Variants in WDR76 observed in about 807,000 individuals in gnomAD.
The protein encoded by WDR76 is WD repeat domain 76.
In WDR76, 52 loss-of-function variants were observed where a neutral mutation model predicts 70.2. The observed-to-expected ratio is 0.74, with a 90% confidence interval of 0.59 to 0.93. The LOEUF is 0.93. WDR76 is among the 40% of genes least tolerant of loss of function. The pLI is 0.00. For synonymous variants in WDR76, 292 were observed against 271.1 expected, an observed-to-expected ratio of 1.08 and a Z score of -0.76; for missense variants, 756 against 760.2, an observed-to-expected ratio of 0.99 and a Z score of 0.07.
At chr15:43,844,996 C>G (rs959457917) in intron 8 of WDR76, among the ~76,000 whole-genome samples, 1 of 127,182 alleles carries the variant, frequency 7.9e-6, no homozygotes, top group Non-Finnish European at 1.7e-5. Context: ...GAGTCTTGCT[C>G]TGTCGCCCAG....
intron 1 of WDR76, among the ~76,000 whole-genome samples, 165 bp from the exon 2 acceptor site, chr15:43,827,800 C>T (rs889647769): frequency 6.6e-6 from 1 of 152,166 alleles, no homozygotes; most frequent in Non-Finnish European, 1.5e-5. Flanking sequence ...CCGATTGGGC[C>T]TCCCAAAGTG....
chr15:43,851,539 G>C (rs1046629904), intron 9 of WDR76, among the ~76,000 whole-genome samples: 2 of 152,182 alleles, frequency 1.3e-5, no homozygotes, highest in Non-Finnish European at 2.9e-5. Context: ...ACTTAGAAGA[G>C]AGCCTGGCAC....
intron 8 of WDR76, among the ~76,000 whole-genome samples, chr15:43,847,096 C>T (rs1448321827): frequency 6.6e-6 from 1 of 151,192 alleles, no homozygotes; most frequent in Admixed American, 6.6e-5. Context: ...ACCTAATTTT[C>T]CAGGACATTT....
intron 2 of WDR76, among the ~76,000 whole-genome samples, chr15:43,833,884 C>T (rs1397451691): frequency 1.3e-5 from 2 of 152,120 alleles, no homozygotes; most frequent in Non-Finnish European, 2.9e-5. Flanking sequence ...ATCTGCCTGC[C>T]TCGGCCTCTC....
At chr15:43,839,318 G>A (rs1204505134) in intron 4 of WDR76, among the ~76,000 whole-genome samples, 3 of 152,046 alleles carry the variant, frequency 2.0e-5, no homozygotes, top group Non-Finnish European at 2.9e-5. Context: ...TTATAACCAA[G>A]GGTTCCTTTC....
intron 8 of WDR76, among the ~76,000 whole-genome samples, chr15:43,844,859 G>A (rs1433110431): frequency 7.2e-6 from 1 of 139,056 alleles, no homozygotes; most frequent in Non-Finnish European, 1.6e-5. Context: ...ACCTGGGAGG[G>A]GGAGCTTGCA....
rs188796582 is a variant in WDR76 at position 43,858,903 on chromosome 15, T to A, written c.1562+80T>A. ...GTGTCAGTAAACCAAAAGCTTTGTT[T>A]ACTGCTGTTCCCTATTAAATTGCTA... On this transcript the variant is annotated intron_variant, in intron 11 of 12. Transcript: ENST00000263795. 733 of 1,506,228 alleles carry A rather than the reference T, an allele frequency of 4.9e-4. 4 individuals carry two copies. In the African/African-American group the frequency reaches 9.5e-3, roughly 19 times the overall value. 93.3% of individuals were successfully genotyped at this position (1,506,228 alleles called of 1,614,324 possible). A position where few individuals can be genotyped will look rare whatever the true frequency, so the allele number is the denominator to read the frequency against.
At chr15:43,847,613 G>A (rs1382126730) in intron 8 of WDR76, among the ~76,000 whole-genome samples, 1 of 152,068 alleles carries the variant, frequency 6.6e-6, no homozygotes, top group Non-Finnish European at 1.5e-5. Flanking sequence ...AGTAGAGATG[G>A]GGTTTCACCA....
At chr15:43,852,351 TTTGTTG>T (rs971913329) in intron 9 of WDR76, among the ~76,000 whole-genome samples, 46 of 151,308 alleles carry the variant, frequency 3.0e-4, no homozygotes, top group African/African-American at 1.1e-3. Flanking sequence ...GCCCGGGTAA[TTTGTTG>T]TTGTTGTTGT....
chr15:43,859,692 C>T (rs755187610), intron 11 of WDR76, among the ~76,000 whole-genome samples: 2 of 152,172 alleles, frequency 1.3e-5, no homozygotes, highest in African/African-American at 4.8e-5. Context: ...AGGCCAGGAT[C>T]CCGTTTCCAC....
chr15:43,843,568 A>C (rs1010329772), intron 7 of WDR76, among the ~76,000 whole-genome samples: 1 of 152,010 alleles, frequency 6.6e-6, no homozygotes. Flanking sequence ...TATTGTGAAC[A>C]TTTTTATGGC....
rs1865086025 is a variant in WDR76 at position 43,868,196 on chromosome 15, A to T, written c.*1804A>T. 6.6e-6 allele frequency: 1 copy of T among 152,186 alleles called. No homozygotes were observed. Among genetic ancestry groups the T allele is most frequent in the Non-Finnish European group, 1.5e-5 (1 of 68,030 alleles). The allele number at this position is 152,186 out of a possible 1,614,324, so 9.4% of individuals were successfully genotyped here. The stretch of plus-strand genomic sequence containing the variant: ...CTAGGTGAGGTTGAGTTATAATTAA[A>T]CTGTTCAGGAAACATCGTAAAGGCT... On this transcript the variant is annotated 3_prime_UTR_variant, in exon 13 of 13. Transcript: ENST00000263795.
intron 8 of WDR76, 46 bp downstream of exon 8, chr15:43,844,100 A>G (rs777671175): frequency 2.5e-6 from 4 of 1,577,240 alleles, no homozygotes; most frequent in Non-Finnish European, 3.5e-6. Flanking sequence ...GACTAAAGCA[A>G]ATAGGCTGGA....
intron 8 of WDR76, among the ~76,000 whole-genome samples, chr15:43,845,346 T>C (rs1417432688): frequency 6.7e-6 from 1 of 150,296 alleles, no homozygotes; most frequent in African/African-American, 2.4e-5. Context: ...CTAATCCCTA[T>C]GGTATTAGGA....
At position 43,860,910 on chromosome 15, in the gene WDR76, CTTTTTTTT is replaced by C. The variant is rs34504509; in HGVS notation, c.1563-404_1563-397del. On this transcript the variant is annotated intron_variant, in intron 11 of 12. Coordinates refer to ENST00000263795, the MANE Select transcript of WDR76 (RefSeq NM_024908.4). ...AGATTTGTTAGCGCCTGATCTTACT[CTTTTTTTT>C]TTTTTTTTTTTTTTTTTTGTAGACA... Among the ~76,000 whole-genome samples, 467 of 79,032 alleles carry C rather than the reference CTTTTTTTT, an allele frequency of 5.9e-3. 2 individuals are homozygous for C. The highest frequency in any genetic ancestry group is 0.025 in the African/African-American group (443 of 17,452). 51.8% of individuals were successfully genotyped at this position (79,032 alleles called of 152,430 possible).
chr15:43,828,352 A>C lies in WDR76; in HGVS notation c.448A>C (p.Thr150Pro). The C allele has an allele frequency of 6.2e-7, 1 of 1,604,944 alleles. No homozygotes were observed. Among genetic ancestry groups the C allele is most frequent in the Non-Finnish European group, 8.5e-7 (1 of 1,176,042 alleles). The part of the protein sequence containing the change: ...SSQDGDSDED[T>P]TPSLDFSGLS... ...TCAGGATGGAGACAGTGATGAAGAT[A>C]CCACACCATCCCTGGTAAGAACTTA... Residue 150 changes from threonine (T) to proline (P), a missense_variant, in exon 2 of 13, where the codon ACC becomes CCC. Physicochemically the swap from Thr to Pro is conservative, Grantham distance 38. Coordinates refer to ENST00000263795, the MANE Select transcript of WDR76 (RefSeq NM_024908.4).
At chr15:43,863,070 G>A (rs2088023198) in intron 12 of WDR76, among the ~76,000 whole-genome samples, 1 of 152,084 alleles carries the variant, frequency 6.6e-6, no homozygotes, top group Non-Finnish European at 1.5e-5. Flanking sequence ...TGAGTAGCTG[G>A]GACTACAGGC....
intron 7 of WDR76, among the ~76,000 whole-genome samples, chr15:43,843,637 T>C (rs1033444858): frequency 1.7e-4 from 26 of 152,178 alleles, no homozygotes; most frequent in African/African-American, 6.3e-4. Context: ...CTGAACATTT[T>C]ATATGAACTT....
At chr15:43,849,848 T>A (rs576161690) in intron 8 of WDR76, among the ~76,000 whole-genome samples, 1 of 152,152 alleles carries the variant, frequency 6.6e-6, no homozygotes, top group Non-Finnish European at 1.5e-5. Flanking sequence ...GTGATTTTTT[T>A]AAAACTTCCA....
Sources: gnomAD v4.1 joint callset for allele counts (sites outside exome capture counted in the v4.1 genomes callset) on GRCh38, gnomAD v4.1.1 for gene constraint, MANE v1.5 for transcripts, NCBI Gene and HGNC (gene_info 2026-07-23, HGNC 2026-07-21) for gene names.